The following SPATS2L variants were observed in gnomAD, a reference collection of about 807,000 sequenced individuals.
The protein encoded by SPATS2L is SPATS2-like protein.
Under a neutral mutation model 59.6 loss-of-function variants are expected in SPATS2L, and 30 were observed. The observed-to-expected ratio is 0.50, with a 90% CI of 0.38 to 0.68. SPATS2L has a LOEUF of 0.68. SPATS2L is among the 30% of genes least tolerant of loss of function. The pLI, the probability that SPATS2L is intolerant of heterozygous loss-of-function variation, is 0.00. For synonymous variants in SPATS2L, 252 were observed against 263.5 expected (o/e 0.96, Z 0.42); for missense variants, 615 against 700.0 (o/e 0.88, Z 1.37).
At chr2:200,470,069 T>A in intron 11 of SPATS2L, 53 bp downstream of exon 11, 1 of 1,434,790 alleles carries the variant, frequency 7.0e-7, no homozygotes, top group Non-Finnish European at 9.6e-7. Context: ...TTGGTGCTAT[T>A]TGGAGTTGCT....
intron 2 of SPATS2L, among the ~76,000 whole-genome samples, chr2:200,348,581 G>A (rs1179575988): frequency 1.3e-5 from 2 of 152,174 alleles, no homozygotes; most frequent in Non-Finnish European, 2.9e-5. Flanking sequence ...GGGGCTAGGT[G>A]GAGGTGAGGC....
chr2:200,418,274 T>C (rs1463920694), intron 5 of SPATS2L, among the ~76,000 whole-genome samples: 1 of 152,178 alleles, frequency 6.6e-6, no homozygotes, highest in Non-Finnish European at 1.5e-5. Context: ...CTGCTCCAGC[T>C]GAAATATTCA....
At chr2:200,465,634 G>C (rs2086540058) in intron 9 of SPATS2L, among the ~76,000 whole-genome samples, 1 of 152,230 alleles carries the variant, frequency 6.6e-6, no homozygotes, top group Non-Finnish European at 1.5e-5. Context: ...GGGAGCCCCA[G>C]TTAAAGAATC....
intron 3 of SPATS2L, among the ~76,000 whole-genome samples, chr2:200,406,700 G>A (rs114548764): frequency 3.3e-3 from 510 of 152,310 alleles, no homozygotes; most frequent in African/African-American, 0.012. Flanking sequence ...AGCACAAGTT[G>A]CAGTGATATA....
intron 2 of SPATS2L, among the ~76,000 whole-genome samples, chr2:200,384,566 A>G (rs1300867830): frequency 6.6e-6 from 1 of 152,096 alleles, no homozygotes; most frequent in Non-Finnish European, 1.5e-5. Context: ...GTTAGCCAGG[A>G]TGGTCTTGAT....
At chr2:200,376,536 G>A (rs2081605535) in intron 2 of SPATS2L, among the ~76,000 whole-genome samples, 1 of 152,168 alleles carries the variant, frequency 6.6e-6, no homozygotes, top group South Asian at 2.1e-4. Context: ...TTTGAACTTT[G>A]CTCTTTCTAT....
chr2:200,431,163 A>G (rs1444437943), intron 6 of SPATS2L, among the ~76,000 whole-genome samples: 2 of 152,260 alleles, frequency 1.3e-5, no homozygotes, highest in Admixed American at 6.5e-5. Flanking sequence ...TAAGTTATTA[A>G]TATATTACTG....
intron 4 of SPATS2L, among the ~76,000 whole-genome samples, chr2:200,414,535 C>T (rs758679383): frequency 6.6e-6 from 1 of 151,816 alleles, no homozygotes; most frequent in Non-Finnish European, 1.5e-5. Context: ...GAGGCTGAGG[C>T]AGGAGGATTG....
chr2:200,446,147 T>A (rs569863201), intron 8 of SPATS2L, among the ~76,000 whole-genome samples: 3 of 152,240 alleles, frequency 2.0e-5, no homozygotes, highest in Admixed American at 1.3e-4. Flanking sequence ...GAGACCAGCC[T>A]AGACAACATG....
intron 1 of SPATS2L, among the ~76,000 whole-genome samples, chr2:200,323,316 A>G (rs1162977366): frequency 1.3e-5 from 2 of 152,148 alleles, no homozygotes; most frequent in African/African-American, 2.4e-5. Context: ...AGATGTATTG[A>G]GCAAACCATT....
At chr2:200,389,400 A>G in intron 3 of SPATS2L, 117 bp downstream of exon 3, 2 of 671,892 alleles carry the variant, frequency 3.0e-6, no homozygotes, top group Non-Finnish European at 5.1e-6. Context: ...GATACGTAGT[A>G]AGTTTGCCAC....
At chr2:200,425,043 G>C (rs1289755162) in intron 6 of SPATS2L, among the ~76,000 whole-genome samples, 1 of 151,638 alleles carries the variant, frequency 6.6e-6, no homozygotes, top group Admixed American at 6.6e-5. Context: ...CGCAGCACCT[G>C]CGCAGAGCTG....
Position 200,469,936 on chromosome 2 carries a change from A to G in SPATS2L, c.980A>G (p.Tyr327Cys). Residue 327 changes from tyrosine (Y) to cysteine (C), a missense_variant, in exon 11 of 13, where the codon TAT (tyrosine) becomes TGT (cysteine). By Grantham distance (194) the Tyr-to-Cys change is radical. Transcript: ENST00000409140. ...EIKHFVSERK[Y>C]DEELGKAARF... ...CAGCACTTTGTCAGCGAGCGTAAAT[A>G]TGACGAGGAGCTCGGGAAAGCTGCC... 1.2e-6 allele frequency: 2 copies of G among 1,611,440 alleles called. No homozygotes were observed. The highest frequency in any genetic ancestry group is 1.7e-6 in the Non-Finnish European group (2 of 1,178,862).
chr2:200,341,797 C>T lies in SPATS2L; in HGVS notation c.-23+12317C>T, dbSNP rs1046372760. On this transcript the variant is annotated intron_variant, in intron 2 of 12. Coordinates refer to ENST00000409140, the MANE Select transcript of SPATS2L (RefSeq NM_001100423.2). ...CTCCGCCTCCTGGGTTCAAGTAATTCTCCTGCCTCAGCCTCCCGAGTAGCT... is the reference window on the plus strand; with the variant it reads ...CTCCGCCTCCTGGGTTCAAGTAATTTTCCTGCCTCAGCCTCCCGAGTAGCT... Among the ~76,000 whole-genome samples the T allele has an allele frequency of 2.7e-4, 41 of 151,056 alleles. 1 individual carries two copies. The highest frequency in any genetic ancestry group is 8.5e-4 in the African/African-American group (35 of 41,148).
At chr2:200,338,465 T>C (rs1056143708) in intron 2 of SPATS2L, among the ~76,000 whole-genome samples, 3 of 152,070 alleles carry the variant, frequency 2.0e-5, no homozygotes, top group African/African-American at 7.2e-5. Context: ...GTTCAGCAAG[T>C]GATGAGAGCT....
At chr2:200,462,782 C>A (rs77411741) in intron 9 of SPATS2L, among the ~76,000 whole-genome samples, 2,915 of 152,096 alleles carry the variant, frequency 0.019, 77 homozygotes, top group African/African-American at 0.066. Context: ...ATAAATTAGC[C>A]ACGTGTGGTG....
chr2:200,358,595 C>CTTT (rs34439081), intron 2 of SPATS2L, among the ~76,000 whole-genome samples: 18 of 148,088 alleles, frequency 1.2e-4, no homozygotes, highest in Admixed American at 2.7e-4. Context: ...GTGATATTTC[C>CTTT]TTTTTTTTTT....
At chr2:200,451,691 G>A (rs1397201096) in intron 8 of SPATS2L, among the ~76,000 whole-genome samples, 1 of 152,126 alleles carries the variant, frequency 6.6e-6, no homozygotes, top group Non-Finnish European at 1.5e-5. Flanking sequence ...TGGCTGCCTT[G>A]GGTTGAATGT....
intron 2 of SPATS2L, among the ~76,000 whole-genome samples, chr2:200,351,760 C>A (rs1395844250): frequency 1.3e-5 from 2 of 152,004 alleles, no homozygotes; most frequent in Admixed American, 1.3e-4. Context: ...ACATAGCTAA[C>A]AATGATGTAG....
Sources: gnomAD v4.1 joint callset for allele counts (sites outside exome capture counted in the v4.1 genomes callset) on GRCh38, gnomAD v4.1.1 for gene constraint, MANE v1.5 for transcripts, NCBI Gene and HGNC (gene_info 2026-07-23, HGNC 2026-07-21) for gene names.